GABRQ: variants seen among roughly 807,000 people sequenced by gnomAD.
GABRQ encodes gamma-aminobutyric acid type A receptor subunit theta.
Under a neutral mutation model 30.5 loss-of-function variants are expected in GABRQ, and 19 were observed. The ratio of observed to expected loss-of-function variants is 0.62; its 90% CI spans 0.43 to 0.91. The LOEUF (loss-of-function observed/expected upper bound fraction) is 0.91, where lower values mean the gene tolerates loss of function less well. GABRQ is among the 40% of genes least tolerant of loss of function. The pLI, the probability that GABRQ is intolerant of heterozygous loss-of-function variation, is 0.00. For missense variants in GABRQ, 520 were observed against 521.4 expected (o/e 1.00, Z 0.03); for synonymous variants, 187 against 210.2 (o/e 0.89, Z 0.95).
chrX:152,641,505 G>T (rs782749107), intron 2 of GABRQ, among the ~76,000 whole-genome samples: 2 of 112,298 alleles, frequency 1.8e-5, no homozygotes, highest in Non-Finnish European at 3.8e-5. Flanking sequence ...GTTTGGCCTG[G>T]GGAGCGCCAC....
chrX:152,640,467 G>T lies in GABRQ; in HGVS notation c.238+1G>T. The T allele has an allele frequency of 8.9e-7, 1 of 1,124,699 alleles. No individual in the cohort carries two copies. Among genetic ancestry groups the T allele is most frequent in the Non-Finnish European group, 1.2e-6 (1 of 815,876 alleles). 92.7% of individuals were successfully genotyped at this position (1,124,699 alleles called of 1,213,427 possible). A position where few individuals can be genotyped will look rare whatever the true frequency, so the allele number is the denominator to read the frequency against. On this transcript the variant is annotated splice_donor_variant, in intron 2 of 8. Coordinates refer to ENST00000598523, the MANE Select transcript of GABRQ (RefSeq NM_018558.4). LOFTEE classifies it high-confidence loss of function. ...GTCCGCCTGAGACCGAATTTTGGAG[G>T]TAAGGCATATCCAGACACTAGAGAA...
At chrX:152,650,245 G>A (rs976555302) in intron 6 of GABRQ, among the ~76,000 whole-genome samples, 183 bp from the exon 7 acceptor site, 1 of 111,992 alleles carries the variant, frequency 8.9e-6, no homozygotes, top group Non-Finnish European at 1.9e-5. Flanking sequence ...ATGCTCATGC[G>A]CCTACTGAGA....
chrX:152,652,614 C>T lies in GABRQ; in HGVS notation c.1232C>T (p.Pro411Leu), dbSNP rs782128839. The T allele has an allele frequency of 3.1e-5, 38 of 1,208,552 alleles. 1 individual carries two copies. The highest frequency in any genetic ancestry group is 1.1e-4 in the South Asian group (6 of 56,751). Residue 411 changes from proline (P) to leucine (L), a missense_variant, in exon 9 of 9, where the codon CCG (proline) becomes CTG (leucine). Physicochemically the swap from Pro to Leu is moderately conservative, Grantham distance 98. Coordinates refer to ENST00000598523, the MANE Select transcript of GABRQ (RefSeq NM_018558.4). ...CCAGCGCAGGCCCCCCTGGCAAGCC[C>T]GGAAAGCCTCGGTTCTTTGACGTCC... is the stretch of plus-strand genomic sequence containing the variant. ...ITPAQAPLASPESLGSLTSTS... is the reference protein window; with the variant it reads ...ITPAQAPLASLESLGSLTSTS...
At chrX:152,646,347 G>A (rs1271127015) in intron 3 of GABRQ, among the ~76,000 whole-genome samples, 1 of 112,035 alleles carries the variant, frequency 8.9e-6, no homozygotes, top group African/African-American at 3.2e-5. Context: ...TTTCGGCAGG[G>A]ATATAAAGTG....
chrX:152,651,707 G>T lies in GABRQ; in HGVS notation c.1083G>T (p.Gln361His). ...YLFYSRGPRR[Q>H]PRRHRRPRRV... The stretch of plus-strand genomic sequence containing the variant: ...TCTACAGTCGAGGACCTCGGCGCCA[G>T]CCTAGGCGACACAGGAGACCCCGAA... Residue 361 changes from glutamine (Q) to histidine (H), a missense_variant, in exon 8 of 9, where the codon CAG becomes CAT. By Grantham distance (24) the Gln-to-His change is conservative. Coordinates refer to ENST00000598523, the MANE Select transcript of GABRQ (RefSeq NM_018558.4). 1 of 1,209,751 alleles carries T rather than the reference G, an allele frequency of 8.3e-7. No homozygotes were observed. Among genetic ancestry groups the T allele is most frequent in the Non-Finnish European group, 1.1e-6 (1 of 893,412 alleles).
At chrX:152,649,618 A>G in intron 5 of GABRQ, 124 bp from the exon 6 acceptor site, 1 of 551,920 alleles carries the variant, frequency 1.8e-6, no homozygotes, top group Non-Finnish European at 3.0e-6. Context: ...GTCCTCTGGG[A>G]AAATGTCACC....
chrX:152,654,272 T>C lies in GABRQ; in HGVS notation c.*991T>C, dbSNP rs1466919325. 1 of 112,046 alleles carries C rather than the reference T, an allele frequency of 8.9e-6. No individual in the cohort carries two copies. 9.2% of individuals were successfully genotyped at this position (112,046 alleles called of 1,213,427 possible). On this transcript the variant is annotated 3_prime_UTR_variant, in exon 9 of 9. Transcript: ENST00000598523. ...CTAGCAGATGAATATCTATCGTAAG[T>C]CTATATACTAATCCTTTCTATTTGT...
At chrX:152,650,615 G>T (rs1327705399) in intron 7 of GABRQ, 35 bp downstream of exon 7, 9 of 1,123,869 alleles carry the variant, frequency 8.0e-6, no homozygotes, top group Admixed American at 2.3e-5. Flanking sequence ...AAGAATTTGG[G>T]TCATTTGGCT....
Position 152,652,907 on chromosome X carries a change from C to A in GABRQ, c.1525C>A (p.Arg509Ser), listed in dbSNP as rs782642096. Residue 509 changes from arginine (R) to serine (S), a missense_variant, in exon 9 of 9, where the codon CGC becomes AGC. Coordinates refer to ENST00000598523, the MANE Select transcript of GABRQ (RefSeq NM_018558.4). Reference sequence around the variant, plus strand: ...CAATGAGAGCTTGAGCTCGGATGAGCGCCATGGCCATGGCCCCAGTGGGAA... The same window carrying A: ...CAATGAGAGCTTGAGCTCGGATGAGAGCCATGGCCATGGCCCCAGTGGGAA... Reference protein sequence around the residue: ...DSNESLSSDERHGHGPSGKPM... With the variant: ...DSNESLSSDESHGHGPSGKPM... 2.5e-6 allele frequency: 3 copies of A among 1,211,456 alleles called. 1 individual carries two copies. In the South Asian group the frequency reaches 5.3e-5, roughly 21 times the overall value.
rs1367815553 is a variant in GABRQ at position 152,657,080 on chromosome X, C to T, written c.*3799C>T. On this transcript the variant is annotated 3_prime_UTR_variant, in exon 9 of 9. Coordinates refer to ENST00000598523, the MANE Select transcript of GABRQ (RefSeq NM_018558.4). ...ACTATCTCGCCGGCCGGACTGCATG[C>T]CCAGGGTCAGTAGTCAGCAGAGCTA... 1 of 112,015 alleles carries T rather than the reference C, an allele frequency of 8.9e-6. No individual in the cohort carries two copies. The highest frequency in any genetic ancestry group is 1.9e-5 in the Non-Finnish European group (1 of 53,233). The allele number at this position is 112,015 out of a possible 1,213,427, so 9.2% of individuals were successfully genotyped here. A position where few individuals can be genotyped will look rare whatever the true frequency, so the allele number is the denominator to read the frequency against.
chrX:152,655,076 A>C lies in GABRQ; in HGVS notation c.*1795A>C, dbSNP rs912386078. 2 of 112,349 alleles carry C rather than the reference A, an allele frequency of 1.8e-5. No homozygotes were observed. The highest frequency in any genetic ancestry group is 3.8e-5 in the Non-Finnish European group (2 of 53,273). The allele number at this position is 112,349 out of a possible 1,213,427, so 9.3% of individuals were successfully genotyped here. On this transcript the variant is annotated 3_prime_UTR_variant, in exon 9 of 9. Coordinates refer to ENST00000598523, the MANE Select transcript of GABRQ (RefSeq NM_018558.4). Reference sequence around the variant, plus strand: ...CTTGTGTACACATGGGTCTATGCTGAGTGCATGTATATAAGGGCATGTCTG... The same window carrying C: ...CTTGTGTACACATGGGTCTATGCTGCGTGCATGTATATAAGGGCATGTCTG...
chrX:152,638,801 A>C (rs1930677032), intron 1 of GABRQ, among the ~76,000 whole-genome samples: 2 of 110,844 alleles, frequency 1.8e-5, no homozygotes, highest in Admixed American at 9.5e-5. Flanking sequence ...ATTTTAGTCC[A>C]TTTCCTGAGG....
chrX:152,652,121 C>T (rs1166906794), intron 8 of GABRQ, among the ~76,000 whole-genome samples: 5 of 112,581 alleles, frequency 4.4e-5, no homozygotes, highest in Non-Finnish European at 9.4e-5. Context: ...AGACAGACAC[C>T]GGAGAGGCTG....
At position 152,646,916 on chromosome X, in the gene GABRQ, C is replaced by G. The variant is rs373843389; in HGVS notation, c.307-32C>G. ...AAGGATGGAGCTCTGGACAACCAAA[C>G]TTACAACTGGGATTTACATTTGTCT... On this transcript the variant is annotated intron_variant, in intron 3 of 8. Coordinates refer to ENST00000598523, the MANE Select transcript of GABRQ (RefSeq NM_018558.4). 3 of 1,076,142 alleles carry G rather than the reference C, an allele frequency of 2.8e-6. No homozygotes were observed. In the African/African-American group the frequency reaches 5.5e-5, roughly 20 times the overall value. The allele number at this position is 1,076,142 out of a possible 1,213,427, so 88.7% of individuals were successfully genotyped here.
intron 5 of GABRQ, 65 bp from the exon 6 acceptor site, chrX:152,649,677 T>C: frequency 1.1e-6 from 1 of 917,561 alleles, no homozygotes; most frequent in East Asian, 3.1e-5. Flanking sequence ...GCTTGTAGCA[T>C]GTCTTTTTTG....
chrX:152,641,158 C>T (rs1295047185), intron 2 of GABRQ, among the ~76,000 whole-genome samples: 1 of 111,775 alleles, frequency 8.9e-6, no homozygotes, highest in African/African-American at 3.3e-5. Context: ...TACATCAGTT[C>T]CTCCCCCATT....
chrX:152,644,999 T>TA (rs782520979), intron 2 of GABRQ, among the ~76,000 whole-genome samples: 22 of 112,164 alleles, frequency 2.0e-4, no homozygotes, highest in Admixed American at 3.8e-4. Context: ...CACATTCACT[T>TA]ATACACAAAC....
intron 4 of GABRQ, 82 bp downstream of exon 4, chrX:152,647,250 A>T: frequency 2.9e-6 from 2 of 687,583 alleles, no homozygotes; most frequent in Non-Finnish European, 4.5e-6. Flanking sequence ...TCTAAGGGAC[A>T]CACAAAGGCA....
chrX:152,657,248 T>C lies in GABRQ; in HGVS notation c.*3967T>C, dbSNP rs1931167428. 9.0e-6 allele frequency: 1 copy of C among 110,980 alleles called. No individual in the cohort carries two copies. The highest frequency in any genetic ancestry group is 3.3e-5 in the African/African-American group (1 of 30,388). 9.1% of individuals were successfully genotyped at this position (110,980 alleles called of 1,213,427 possible). On this transcript the variant is annotated 3_prime_UTR_variant, in exon 9 of 9. Transcript: ENST00000598523. ...TCAAACAAACGGAGGTCTTTGGAAG[T>C]GATGCTGGGCCCAGGCAGTGAAAAT...
Sources: gnomAD v4.1 joint callset for allele counts (sites outside exome capture counted in the v4.1 genomes callset) on GRCh38, gnomAD v4.1.1 for gene constraint, MANE v1.5 for transcripts, NCBI Gene and HGNC (gene_info 2026-07-23, HGNC 2026-07-21) for gene names.